SYT1: variants seen among roughly 807,000 people sequenced by gnomAD.
The protein encoded by SYT1 is synaptotagmin-1.
SYT1 carries 8 observed loss-of-function variants against 44.8 expected under a neutral mutation model. The ratio of observed to expected loss-of-function variants is 0.18; its 90% CI spans 0.10 to 0.32. SYT1 has a LOEUF of 0.32. Among genes scored for constraint, SYT1 ranks in the 10% least tolerant of loss-of-function variants. SYT1 has a pLI of 1.00. For synonymous variants in SYT1, 154 were observed against 188.8 expected, an observed-to-expected ratio of 0.82 and a Z score of 1.51; for missense variants, 286 against 509.3, an observed-to-expected ratio of 0.56 and a Z score of 4.22.
At chr12:78,966,373 A>G (rs1450493726) in intron 1 of SYT1, among the ~76,000 whole-genome samples, 1 of 152,026 alleles carries the variant, frequency 6.6e-6, no homozygotes, top group Non-Finnish European at 1.5e-5. Context: ...TCATCATTTT[A>G]AAGAAGTGAA....
intron 1 of SYT1, among the ~76,000 whole-genome samples, chr12:78,878,623 A>G (rs1207869383): frequency 6.6e-6 from 1 of 151,796 alleles, no homozygotes; most frequent in Non-Finnish European, 1.5e-5. Flanking sequence ...TTAGCCACCC[A>G]TAAAAGAATT....
rs11112175 is a variant in SYT1, at chr12:78,982,147, A to G, written c.-84+4216A>G. 1.9e-3 allele frequency among the ~76,000 whole-genome samples: 290 copies of G among 152,334 alleles called. 1 individual carries two copies. Among genetic ancestry groups the G allele is most frequent in the South Asian group, 5.8e-3 (28 of 4,830 alleles). On this transcript the variant is annotated intron_variant, in intron 2 of 10. Coordinates refer to ENST00000261205, the MANE Select transcript of SYT1 (RefSeq NM_005639.3). ...TAAAAATTCTACATTCAAAGTGAAG[A>G]AAAACTACTACATTCAAATTGAAGA...
intron 1 of SYT1, chr12:78,976,789 A>G (rs1868871132): frequency 6.6e-6 from 1 of 152,168 alleles, no homozygotes; most frequent in Non-Finnish European, 1.5e-5. Flanking sequence ...AACTAGTGGT[A>G]TACAATATGA....
At chr12:79,280,398 G>A (rs1160704604) in intron 4 of SYT1, among the ~76,000 whole-genome samples, 2 of 151,964 alleles carry the variant, frequency 1.3e-5, no homozygotes, top group African/African-American at 2.4e-5. Context: ...CATACACTGG[G>A]GAATCGATAT....
intron 2 of SYT1, among the ~76,000 whole-genome samples, chr12:79,006,791 A>C (rs1014180368): frequency 1.3e-5 from 2 of 152,162 alleles, no homozygotes; most frequent in Non-Finnish European, 2.9e-5. Flanking sequence ...TGCTTTCTCC[A>C]CTATCAGCCA....
intron 3 of SYT1, among the ~76,000 whole-genome samples, chr12:79,180,026 G>T (rs1035867836): frequency 6.6e-6 from 1 of 151,796 alleles, no homozygotes; most frequent in Non-Finnish European, 1.5e-5. Context: ...TGTACTTTGT[G>T]CATGTTATTT....
intron 3 of SYT1, among the ~76,000 whole-genome samples, chr12:79,178,715 C>T (rs1208694926): frequency 6.6e-6 from 1 of 151,492 alleles, no homozygotes. Flanking sequence ...TCACTTTTCT[C>T]CATTTCATAT....
intron 3 of SYT1, among the ~76,000 whole-genome samples, chr12:79,079,864 G>T (rs918196454): frequency 1.3e-5 from 2 of 151,906 alleles, no homozygotes; most frequent in African/African-American, 4.8e-5. Context: ...ATGAAAAATG[G>T]GCCATCTGTC....
chr12:78,924,979 G>A (rs1175452788), intron 1 of SYT1, among the ~76,000 whole-genome samples: 1 of 151,664 alleles, frequency 6.6e-6, no homozygotes, highest in African/African-American at 2.4e-5. Context: ...CCTGGAAGTA[G>A]GACTTGAAAT....
intron 4 of SYT1, among the ~76,000 whole-genome samples, chr12:79,231,265 G>A (rs1043185215): frequency 2.0e-5 from 3 of 152,032 alleles, no homozygotes; most frequent in Non-Finnish European, 4.4e-5. Context: ...TGTAATAAAG[G>A]GATTTGTACT....
chr12:78,878,334 G>C (rs901197231), intron 1 of SYT1, among the ~76,000 whole-genome samples: 1 of 151,758 alleles, frequency 6.6e-6, no homozygotes, highest in African/African-American at 2.4e-5. Flanking sequence ...CATAAAATCT[G>C]TCAATCCTTC....
chr12:78,966,419 G>A (rs1879778255), intron 1 of SYT1, among the ~76,000 whole-genome samples: 1 of 152,126 alleles, frequency 6.6e-6, no homozygotes, highest in Admixed American at 6.5e-5. Flanking sequence ...CTAGGCCAGT[G>A]TGTGTTAAAG....
At chr12:78,896,242 T>G (rs1175283025) in intron 1 of SYT1, among the ~76,000 whole-genome samples, 2 of 151,788 alleles carry the variant, frequency 1.3e-5, no homozygotes, top group Admixed American at 6.6e-5. Flanking sequence ...AAAAATTGCC[T>G]ATTTCTATGG....
intron 4 of SYT1, among the ~76,000 whole-genome samples, chr12:79,275,353 C>T (rs1156581775): frequency 6.6e-6 from 1 of 152,118 alleles, no homozygotes; most frequent in Non-Finnish European, 1.5e-5. Flanking sequence ...AGGAATTCTC[C>T]TGTGAAAACT....
At chr12:78,968,421 T>G (rs962705155) in intron 1 of SYT1, among the ~76,000 whole-genome samples, 2 of 152,212 alleles carry the variant, frequency 1.3e-5, no homozygotes, top group East Asian at 3.9e-4. Context: ...CTCTGAAATA[T>G]GTAGACAGAG....
chr12:79,024,069 T>A (rs1443042871), intron 2 of SYT1, among the ~76,000 whole-genome samples: 2 of 151,740 alleles, frequency 1.3e-5, no homozygotes, highest in African/African-American at 4.8e-5. Flanking sequence ...GGGAGAGAAC[T>A]GCTGTTTTCC....
intron 3 of SYT1, among the ~76,000 whole-genome samples, chr12:79,070,086 C>T (rs1304650808): frequency 2.6e-5 from 4 of 151,976 alleles, no homozygotes; most frequent in African/African-American, 9.7e-5. Flanking sequence ...TCTATTATAA[C>T]CAAAGCCTAT....
chr12:79,314,128 C>A (rs1880959941), intron 8 of SYT1, among the ~76,000 whole-genome samples: 2 of 139,198 alleles, frequency 1.4e-5, no homozygotes, highest in South Asian at 4.5e-4. Flanking sequence ...GAGATCGCGC[C>A]ACTGCACTCC....
At chr12:79,171,334 T>A (rs1424164376) in intron 3 of SYT1, among the ~76,000 whole-genome samples, 1 of 152,092 alleles carries the variant, frequency 6.6e-6, no homozygotes, top group Non-Finnish European at 1.5e-5. Flanking sequence ...GCATGGAATG[T>A]TTTTCCATTT....
Sources: allele counts gnomAD v4.1 joint callset (sites outside exome capture counted in the v4.1 genomes callset), GRCh38; gene constraint gnomAD v4.1.1; transcripts MANE v1.5; gene names NCBI Gene and HGNC (gene_info 2026-07-23, HGNC 2026-07-21).